ANKRD36C: variants seen among roughly 807,000 people sequenced by gnomAD.
The protein encoded by ANKRD36C is ankyrin repeat domain 36C, also known as ankyrin repeat domain-containing protein 36C.
A neutral mutation model predicts 276.4 loss-of-function variants in ANKRD36C; 61 were observed. The observed-to-expected ratio is 0.22, with a 90% CI of 0.18 to 0.27. The LOEUF is 0.27. Ranked by LOEUF, ANKRD36C falls within the 10% of genes least tolerant of loss-of-function variation. The pLI is 1.00. For synonymous variants in ANKRD36C, 483 were observed against 680.1 expected (o/e 0.71, Z 4.51); for missense variants, 1,447 against 2,032.3 (o/e 0.71, Z 5.54).
At chr2:95,892,294 C>G (rs1235275090) in intron 44 of ANKRD36C, among the ~76,000 whole-genome samples, 2 of 151,514 alleles carry the variant, frequency 1.3e-5, no homozygotes, top group African/African-American at 2.4e-5. Context: ...TGCTCTTTAA[C>G]TTGCCCAGTT....
chr2:95,853,881 G>T lies in ANKRD36C; in HGVS notation c.4996-20C>A, dbSNP rs746324716. 8 of 1,597,006 alleles carry T rather than the reference G, an allele frequency of 5.0e-6. No individual in the cohort carries two copies. The African/African-American group carries it at 9.4e-5, about 19-fold the overall frequency. ...AGCTACCTGATAAGATGTTATTTTT[G>T]TTACTGATTTTACAAATCACCTTAT... On this transcript the variant is annotated intron_variant, in intron 63 of 66. Coordinates refer to ENST00000456556, the Ensembl canonical transcript of ANKRD36C.
intron 52 of ANKRD36C, among the ~76,000 whole-genome samples, chr2:95,885,777 G>T (rs1480616194): frequency 6.6e-6 from 1 of 151,720 alleles, no homozygotes; most frequent in Non-Finnish European, 1.5e-5. Flanking sequence ...AAAGCAAAAT[G>T]ATGCTGTCCC....
rs764537324 is a variant in ANKRD36C at position 95,927,345 on chromosome 2, G to C, written c.1866+36C>G. 13 of 1,607,118 alleles carry C rather than the reference G, an allele frequency of 8.1e-6. No homozygotes were observed. In the East Asian group the frequency reaches 2.9e-4, roughly 36 times the overall value. On this transcript the variant is annotated intron_variant, in intron 27 of 66. Transcript: ENST00000456556. ...TAAAGTAGGTTTCATAGACTATACAGTTAATAGTTCAACATATAAATGAGT... is the reference window on the plus strand; with the variant it reads ...TAAAGTAGGTTTCATAGACTATACACTTAATAGTTCAACATATAAATGAGT...
chr2:95,910,320 A>G (rs1042433983), intron 42 of ANKRD36C, 53 bp downstream of exon 46: 15 of 1,494,060 alleles, frequency 1.0e-5, no homozygotes, highest in South Asian at 6.2e-5. Flanking sequence ...TGGAGAAGAG[A>G]ACTTCTTATC....
intron 3 of ANKRD36C, chr2:95,986,542 C>A: frequency 1.4e-5 from 8 of 589,858 alleles, no homozygotes; most frequent in Admixed American, 3.6e-5. Flanking sequence ...AATTATTTAC[C>A]ATAAGTGCAT....
chr2:95,973,596 T>C (rs192799627), intron 6 of ANKRD36C, among the ~76,000 whole-genome samples: 1 of 152,338 alleles, frequency 6.6e-6, no homozygotes, highest in African/African-American at 2.4e-5. Flanking sequence ...CTATTAAAAC[T>C]AAAAATCATC....
At chr2:95,927,534 T>A (rs566666749) in intron 26 of ANKRD36C, 125 bp from the exon 27 acceptor site, 26 of 1,466,828 alleles carry the variant, frequency 1.8e-5, no homozygotes, top group Non-Finnish European at 2.3e-5. Context: ...TGATGTTTTC[T>A]ACTTTTTGTC....
rs1317328137 is a variant in ANKRD36C, at chr2:95,920,035, T to G, written c.2245+1572A>C. ...CTTCTGCCTGTACTAGTGTAGGCTC[T>G]GATGTCTTCTACTTTGTGTCTTGGG... On this transcript the variant is annotated intron_variant, in intron 34 of 66. Transcript: ENST00000456556. The G allele has an allele frequency of 1.6e-5, 19 of 1,203,544 alleles. 4 individuals are homozygous for G. The East Asian group carries it at 6.3e-4, about 40-fold the overall frequency. The allele number at this position is 1,203,544 out of a possible 1,614,324, so 74.6% of individuals were successfully genotyped here.
Position 95,991,699 on chromosome 2 carries a change from T to G in ANKRD36C, c.10A>C (p.Lys4Gln), listed in dbSNP as rs1236363307. Residue 4 changes from lysine (K) to glutamine (Q), a missense_variant, in exon 1 of 67, where the codon AAG becomes CAG. Transcript: ENST00000456556. ...AGGGTGGGCCACCTCTTCGGCTCCT[T>G]GTCATCCATAATGGTCGGCTGCAAA... 6 of 1,613,124 alleles carry G rather than the reference T, an allele frequency of 3.7e-6. No homozygotes were observed. In the South Asian group the frequency reaches 5.5e-5, roughly 15 times the overall value.
intron 59 of ANKRD36C, among the ~76,000 whole-genome samples, chr2:95,872,227 C>T (rs1302614819): frequency 3.5e-5 from 5 of 143,094 alleles, no homozygotes; most frequent in Non-Finnish European, 7.7e-5. Context: ...TTTTTCAGCA[C>T]CACACCACAC....
intron 1 of ANKRD36C, among the ~76,000 whole-genome samples, chr2:95,990,492 A>C (rs1286656795): frequency 2.0e-5 from 3 of 152,218 alleles, no homozygotes; most frequent in East Asian, 3.8e-4. Context: ...AATTAACAGC[A>C]CATTTTCATA....
At chr2:95,892,681 G>C (rs1349502956) in intron 44 of ANKRD36C, among the ~76,000 whole-genome samples, 2 of 151,362 alleles carry the variant, frequency 1.3e-5, no homozygotes, top group Non-Finnish European at 3.0e-5. Flanking sequence ...GAGTTAATTA[G>C]AATCCAGCAT....
At chr2:95,912,598 C>A (rs532695837) in intron 40 of ANKRD36C, among the ~76,000 whole-genome samples, 163 bp from the exon 43 acceptor site, 1 of 151,408 alleles carries the variant, frequency 6.6e-6, no homozygotes, top group African/African-American at 2.4e-5. Context: ...CAGAAACACA[C>A]TGAAAAAAGG....
At chr2:95,926,606 C>G (rs1224341859) in intron 28 of ANKRD36C, among the ~76,000 whole-genome samples, 1 of 151,538 alleles carries the variant, frequency 6.6e-6, no homozygotes, top group East Asian at 1.9e-4. Context: ...GATCCCAGTT[C>G]TAGTACTCCT....
chr2:95,970,352 A>G (rs1382059880), intron 6 of ANKRD36C, among the ~76,000 whole-genome samples: 3 of 152,208 alleles, frequency 2.0e-5, no homozygotes, highest in Non-Finnish European at 4.4e-5. Flanking sequence ...GCTCCTTCAA[A>G]AAAACACACA....
Position 95,852,648 on chromosome 2 carries a change from A to G in ANKRD36C, c.5149-452T>C, listed in dbSNP as rs181046536. ...GGATTACATCAGGCTAAGCATTTAT[A>G]TTTTGAATTCCAAACACTACCACAT... On this transcript the variant is annotated intron_variant, in intron 64 of 66. Coordinates refer to ENST00000456556, the Ensembl canonical transcript of ANKRD36C. The G allele has an allele frequency of 1.1e-3, 171 of 154,294 alleles. 1 individual carries two copies. Among genetic ancestry groups the G allele is most frequent in the Non-Finnish European group, 5.2e-4 (36 of 69,388 alleles). 9.6% of individuals were successfully genotyped at this position (154,294 alleles called of 1,614,324 possible). A position where few individuals can be genotyped will look rare whatever the true frequency, so the allele number is the denominator to read the frequency against.
intron 17 of ANKRD36C, among the ~76,000 whole-genome samples, chr2:95,946,943 G>A (rs924845964): frequency 1.3e-5 from 2 of 151,818 alleles, no homozygotes; most frequent in African/African-American, 4.8e-5. Context: ...AGCATTGGGA[G>A]ATATACCTAA....
chr2:95,893,492 A>C, intron 44 of ANKRD36C, 41 bp downstream of exon 64: 1 of 1,534,568 alleles, frequency 6.5e-7, no homozygotes, highest in Non-Finnish European at 8.8e-7. Context: ...CTTCTTATCT[A>C]TCTGGACTGA....
chr2:95,857,444 C>G, exon 62 of ANKRD36C: 1 of 1,590,996 alleles, frequency 6.3e-7, no homozygotes, highest in Non-Finnish European at 8.6e-7. Flanking sequence ...CTTTTTGGTG[C>G]AACTCTTCAA....
Sources: gnomAD v4.1 joint callset for allele counts (sites outside exome capture counted in the v4.1 genomes callset) on GRCh38, gnomAD v4.1.1 for gene constraint, MANE v1.5 for transcripts, NCBI Gene and HGNC (gene_info 2026-07-23, HGNC 2026-07-21) for gene names.